The following ASXL2 variants were observed in gnomAD, a reference collection of about 807,000 sequenced individuals.
ASXL2 encodes putative Polycomb group protein ASXL2.
Under a neutral mutation model 122.0 loss-of-function variants are expected in ASXL2, and 23 were observed. The observed-to-expected ratio is 0.19, with a 90% CI of 0.14 to 0.27. ASXL2 has a LOEUF of 0.27. ASXL2 is among the 10% of genes least tolerant of loss of function. The pLI is 1.00. For missense variants in ASXL2, 1,518 were observed against 1,713.8 expected (o/e 0.89, Z 2.02); for synonymous variants, 650 against 637.0 (o/e 1.02, Z -0.31).
intron 4 of ASXL2, among the ~76,000 whole-genome samples, chr2:25,805,851 C>T (rs760490385): frequency 4.3e-4 from 66 of 151,966 alleles, no homozygotes; most frequent in Admixed American, 5.9e-4. Context: ...TAATTTTTTG[C>T]ATTTTAGTAG....
chr2:25,860,266 G>A (rs1383637619), intron 1 of ASXL2, among the ~76,000 whole-genome samples: 6 of 150,472 alleles, frequency 4.0e-5, no homozygotes, highest in African/African-American at 1.2e-4. Context: ...GGCCGAGGTC[G>A]CGCCACTGCA....
chr2:25,821,447 C>T (rs1293779973), intron 3 of ASXL2, among the ~76,000 whole-genome samples: 1 of 151,346 alleles, frequency 6.6e-6, no homozygotes, highest in Non-Finnish European at 1.5e-5. Context: ...ATGTAAACTA[C>T]ACCTCAATAA....
chr2:25,837,954 A>C (rs1349480921), intron 2 of ASXL2, among the ~76,000 whole-genome samples: 3 of 86,006 alleles, frequency 3.5e-5, no homozygotes, highest in African/African-American at 1.9e-4. Context: ...CTGTCTCTAC[A>C]AAAAAAAAAA....
At chr2:25,764,460 A>G (rs2149150232) in intron 8 of ASXL2, among the ~76,000 whole-genome samples, 1 of 152,336 alleles carries the variant, frequency 6.6e-6, no homozygotes, top group East Asian at 1.9e-4. Flanking sequence ...AATCACCAAA[A>G]AAAATCTCAT....
intron 4 of ASXL2, among the ~76,000 whole-genome samples, chr2:25,802,612 T>C (rs576776928): frequency 6.6e-6 from 1 of 152,228 alleles, no homozygotes; most frequent in African/African-American, 2.4e-5. Context: ...GATAGGAGCA[T>C]CTTTTCTTCC....
intron 1 of ASXL2, among the ~76,000 whole-genome samples, chr2:25,863,650 G>A (rs1483148622): frequency 2.6e-5 from 4 of 151,864 alleles, no homozygotes; most frequent in East Asian, 3.9e-4. Context: ...CCGAGATCGC[G>A]CCACTGCACT....
Position 25,799,550 on chromosome 2 carries a change from A to G in ASXL2, c.253-15T>C. The G allele has an allele frequency of 6.2e-7, 1 of 1,606,840 alleles. No individual in the cohort carries two copies. The highest frequency in any genetic ancestry group is 8.5e-7 in the Non-Finnish European group (1 of 1,177,000). ...GGCACATCTTTCTGAAAATGTAGGCATCCAATTAGGATTAATCATTACCAT... is the reference window on the plus strand; with the variant it reads ...GGCACATCTTTCTGAAAATGTAGGCGTCCAATTAGGATTAATCATTACCAT... On this transcript the variant is annotated splice_polypyrimidine_tract_variant and intron_variant, in intron 4 of 12. Coordinates refer to ENST00000435504, the MANE Select transcript of ASXL2 (RefSeq NM_018263.6).
chr2:25,806,298 G>A lies in ASXL2; in HGVS notation c.183C>T (p.His61=). 6.2e-7 allele frequency: 1 copy of A among 1,613,340 alleles called. No homozygotes were observed. The highest frequency in any genetic ancestry group is 8.5e-7 in the Non-Finnish European group (1 of 1,179,600). Reference sequence around the variant, plus strand: ...TGCCCTCTTCACCTCTGGAGTTTGTGTGAAGCATTGCATTCAGGCATGCAA... The same window carrying A: ...TGCCCTCTTCACCTCTGGAGTTTGTATGAAGCATTGCATTCAGGCATGCAA... ...SPLACLNAML[H]TNSRGEEGIF... is the part of the protein sequence containing the mutation. The change falls in exon 4 of 13, where the codon CAC becomes CAT. Residue 61 remains histidine (H), a synonymous_variant. Coordinates refer to ENST00000435504, the MANE Select transcript of ASXL2 (RefSeq NM_018263.6).
chr2:25,834,659 C>T (rs182361941), intron 3 of ASXL2, among the ~76,000 whole-genome samples: 52 of 152,170 alleles, frequency 3.4e-4, no homozygotes, highest in Admixed American at 7.2e-4. Flanking sequence ...ACAGGCAATA[C>T]GACTGTTGCC....
At chr2:25,773,796 C>T (rs1192938951) in intron 5 of ASXL2, among the ~76,000 whole-genome samples, 3 of 151,870 alleles carry the variant, frequency 2.0e-5, no homozygotes, top group East Asian at 3.9e-4. Flanking sequence ...CAAAGGGAGC[C>T]GAGGCAGGTG....
intron 3 of ASXL2, among the ~76,000 whole-genome samples, chr2:25,829,679 G>A (rs1244334425): frequency 6.6e-6 from 1 of 152,208 alleles, no homozygotes; most frequent in Non-Finnish European, 1.5e-5. Context: ...TCCCAACTAA[G>A]AGAAGTAACT....
chr2:25,748,139 C>T lies in ASXL2; in HGVS notation c.1860+1557G>A, dbSNP rs1479109279. Among the ~76,000 whole-genome samples the T allele has an allele frequency of 3.9e-5, 6 of 151,952 alleles. No homozygotes were observed. The East Asian group carries it at 1.2e-3, about 29-fold the overall frequency. ...GCTGCAGTGAGCCAAGATTGCATCA[C>T]TGCATTCCAGCCTGGACGACAGTGC... On this transcript the variant is annotated intron_variant, in intron 12 of 12. Transcript: ENST00000435504.
intron 1 of ASXL2, 56 bp from the exon 2 acceptor site, chr2:25,845,619 T>G: frequency 1.3e-6 from 1 of 786,146 alleles, no homozygotes; most frequent in Non-Finnish European, 1.8e-6. Context: ...ATTATAATTC[T>G]ATATATATTT....
At chr2:25,822,465 C>A (rs1413040350) in intron 3 of ASXL2, 1 of 463,016 alleles carries the variant, frequency 2.2e-6, no homozygotes, top group African/African-American at 2.1e-5. Flanking sequence ...CTGCCCTGTT[C>A]ACAATGCAGC....
chr2:25,826,995 AT>A (rs34208753), intron 3 of ASXL2, among the ~76,000 whole-genome samples: 8,272 of 127,348 alleles, frequency 0.065, 439 homozygotes, highest in African/African-American at 0.18. Flanking sequence ...ACAGCTAATA[AT>A]TTTTTTTTTT....
chr2:25,862,498 C>CA (rs2089851427), intron 1 of ASXL2, among the ~76,000 whole-genome samples: 1 of 152,092 alleles, frequency 6.6e-6, no homozygotes. Context: ...AAAAATTAGT[C>CA]AAAAAATACA....
chr2:25,816,801 C>T (rs956982937), intron 3 of ASXL2, among the ~76,000 whole-genome samples: 1 of 152,060 alleles, frequency 6.6e-6, no homozygotes, highest in Non-Finnish European at 1.5e-5. Context: ...TTATATCTAG[C>T]CTAGATGGCA....
Position 25,743,497 on chromosome 2 carries a change from G to A in ASXL2, c.2840C>T (p.Pro947Leu). 6.2e-7 allele frequency: 1 copy of A among 1,613,940 alleles called. No homozygotes were observed. The highest frequency in any genetic ancestry group is 2.2e-5 in the East Asian group (1 of 44,888). The change falls in exon 13 of 13, where the codon CCT (proline) becomes CTT (leucine). Residue 947 changes from proline (P) to leucine (L), a missense_variant. Pro to Leu is a moderately conservative substitution (Grantham distance 98). Coordinates refer to ENST00000435504, the MANE Select transcript of ASXL2 (RefSeq NM_018263.6). ...GPTLRPTSSIPANNPLVTQLL... is the reference protein window; with the variant it reads ...GPTLRPTSSILANNPLVTQLL... ...CTGAGTCACTAAAGGATTATTAGCA[G>A]GGATACTAGAGGTTGGTCTTAAAGT... is the stretch of plus-strand genomic sequence containing the variant.
chr2:25,742,150 G>A lies in ASXL2; in HGVS notation c.4187C>T (p.Thr1396Met), dbSNP rs750809033. The A allele has an allele frequency of 2.0e-5, 32 of 1,613,912 alleles. No individual in the cohort carries two copies. Among genetic ancestry groups the A allele is most frequent in the East Asian group, 4.5e-5 (2 of 44,896 alleles). Reference protein sequence around the residue: ...AFSEENSIEGTPSKCYCRLKA... With the variant: ...AFSEENSIEGMPSKCYCRLKA... ...CAAGCGGCAGTAACATTTCGAAGGC[G>A]TGCCCTCTATGCTGTTCTCTTCGGA... Residue 1396 changes from threonine to methionine, a missense_variant, in exon 13 of 13, where the codon ACG (threonine) becomes ATG (methionine). Thr to Met is a moderately conservative substitution (Grantham distance 81). Coordinates refer to ENST00000435504, the MANE Select transcript of ASXL2 (RefSeq NM_018263.6).
Sources: gnomAD v4.1 joint callset for allele counts (sites outside exome capture counted in the v4.1 genomes callset) on GRCh38, gnomAD v4.1.1 for gene constraint, MANE v1.5 for transcripts, NCBI Gene and HGNC (gene_info 2026-07-23, HGNC 2026-07-21) for gene names.